The following PTPRT variants were observed in gnomAD, a reference collection of about 807,000 sequenced individuals.
PTPRT encodes receptor-type tyrosine-protein phosphatase T.
A neutral mutation model predicts 176.8 loss-of-function variants in PTPRT; 56 were observed. The observed-to-expected ratio is 0.32, with a 90% CI of 0.26 to 0.40. PTPRT has a LOEUF of 0.40. Among genes scored for constraint, PTPRT ranks in the 10% least tolerant of loss-of-function variants. The probability of loss-of-function intolerance (pLI) is 1.00; values close to 1 mark genes in which losing one functional copy is unlikely to be tolerated. For missense variants in PTPRT, 1,540 were observed against 1,908.2 expected, an observed-to-expected ratio of 0.81 and a Z score of 3.60; for synonymous variants, 783 against 739.0, an observed-to-expected ratio of 1.06 and a Z score of -0.96.
At chr20:42,955,798 A>G (rs1011652963) in intron 1 of PTPRT, among the ~76,000 whole-genome samples, 4 of 142,752 alleles carry the variant, frequency 2.8e-5, no homozygotes, top group African/African-American at 1.0e-4. Flanking sequence ...CAAGGCAGAA[A>G]AAGTGAGGGA....
chr20:42,782,814 A>G (rs1022855163), intron 3 of PTPRT, among the ~76,000 whole-genome samples: 1 of 152,264 alleles, frequency 6.6e-6, no homozygotes. Flanking sequence ...ACTGAAAAGA[A>G]CAATGAAAAA....
At chr20:43,133,747 CA>C (rs11366438) in intron 1 of PTPRT, among the ~76,000 whole-genome samples, 98,043 of 124,778 alleles carry the variant, frequency 0.79, 37,957 homozygotes, top group East Asian at 0.84. Context: ...GACTCTGTCT[CA>C]AAAAAAAAAA....
chr20:42,393,141 G>A (rs1478825778), intron 9 of PTPRT, among the ~76,000 whole-genome samples: 1 of 152,092 alleles, frequency 6.6e-6, no homozygotes. Context: ...GAATAGGAAG[G>A]GCACCTCTGG....
intron 17 of PTPRT, among the ~76,000 whole-genome samples, chr20:42,159,058 T>A (rs892468565): frequency 6.6e-6 from 1 of 151,768 alleles, no homozygotes. Context: ...AAATTTCAGA[T>A]TGCAAGTTCT....
the PTPRT span, among the ~76,000 whole-genome samples, chr20:42,042,201 C>T: frequency 6.6e-6 from 1 of 152,186 alleles, no homozygotes; most frequent in South Asian, 2.1e-4. Context: ...GGGAGAATGG[C>T]TCACTGCCCT....
In PTPRT at chr20:42,085,737, G is replaced by A; in HGVS notation, c.3963C>T (p.Asn1321=). The change falls in exon 28 of 31, where the codon AAC becomes AAT. Residue 1321 remains asparagine, a synonymous_variant. Coordinates refer to ENST00000373187, the MANE Select transcript of PTPRT (RefSeq NM_007050.6). ...GCGGCCGTGTACTTACCCGGGCCAT[G>A]TTACAGATGCGGAATATTCTGTGGA... ...DIIHRIFRIC[N]MARPQDGYRI... The A allele has an allele frequency of 1.2e-6, 2 of 1,613,988 alleles. No homozygotes were observed. Among genetic ancestry groups the A allele is most frequent in the Non-Finnish European group, 1.7e-6 (2 of 1,180,010 alleles).
intron 9 of PTPRT, among the ~76,000 whole-genome samples, chr20:42,377,126 C>T (rs1398645678): frequency 1.3e-5 from 2 of 152,182 alleles, no homozygotes; most frequent in Non-Finnish European, 2.9e-5. Flanking sequence ...CTGTTTCCTT[C>T]TCAGCAAAGC....
At chr20:42,859,095 G>T (rs1020990179) in intron 2 of PTPRT, among the ~76,000 whole-genome samples, 1 of 152,164 alleles carries the variant, frequency 6.6e-6, no homozygotes, top group African/African-American at 2.4e-5. Flanking sequence ...GCGTTCAAGT[G>T]GCTGGGGGTG....
intron 13 of PTPRT, among the ~76,000 whole-genome samples, chr20:42,260,376 C>G (rs2056728082): frequency 6.6e-6 from 1 of 152,172 alleles, no homozygotes; most frequent in South Asian, 2.1e-4. Context: ...GCCTGGAGCT[C>G]AGGAGGCTCA....
intron 7 of PTPRT, among the ~76,000 whole-genome samples, chr20:42,573,749 C>CTTTTTTTT (rs150938657): frequency 1.2e-4 from 14 of 112,584 alleles, no homozygotes; most frequent in African/African-American, 4.5e-4. Flanking sequence ...TTCTTTCTTT[C>CTTTTTTTT]TTTTTTTTTT....
intron 7 of PTPRT, among the ~76,000 whole-genome samples, chr20:42,485,530 T>C (rs1016133771): frequency 1.3e-5 from 2 of 152,252 alleles, no homozygotes; most frequent in Non-Finnish European, 2.9e-5. Context: ...TTCTAGACTA[T>C]GTAAAAACAA....
rs370533271 is a variant in PTPRT, at chr20:42,652,080, C to CA, written c.1153+25785dup. Reference sequence around the variant, plus strand: ...CAAAAACAAAAACAAACAAAAAAAACAAAAAAAAAAAGGAAGATGGATGAT... The same window carrying CA: ...CAAAAACAAAAACAAACAAAAAAAACAAAAAAAAAAAAGGAAGATGGATGAT... On this transcript the variant is annotated intron_variant, in intron 7 of 30. Coordinates refer to ENST00000373187, the MANE Select transcript of PTPRT (RefSeq NM_007050.6). 2.2e-3 allele frequency among the ~76,000 whole-genome samples: 298 copies of CA among 135,304 alleles called. 2 individuals carry two copies. The highest frequency in any genetic ancestry group is 5.1e-3 in the African/African-American group (194 of 37,894). 88.8% of individuals were successfully genotyped at this position (135,304 alleles called of 152,430 possible).
At chr20:42,361,179 C>T (rs1401700576) in intron 9 of PTPRT, among the ~76,000 whole-genome samples, 2 of 152,158 alleles carry the variant, frequency 1.3e-5, no homozygotes. Flanking sequence ...CCACCCCACT[C>T]AGGAGGGACT....
chr20:42,882,191 A>T (rs6030541), intron 2 of PTPRT, among the ~76,000 whole-genome samples: 10,043 of 152,292 alleles, frequency 0.066, 927 homozygotes, highest in African/African-American at 0.21. Context: ...ATTTCAGCCT[A>T]TGCCCATAAG....
intron 7 of PTPRT, among the ~76,000 whole-genome samples, chr20:42,523,314 C>T (rs1168359347): frequency 6.6e-6 from 1 of 152,144 alleles, no homozygotes. Flanking sequence ...ATAATTTGAT[C>T]GTCTTTCCTT....
intron 6 of PTPRT, among the ~76,000 whole-genome samples, chr20:42,725,824 C>A (rs140237962): frequency 9.2e-5 from 14 of 151,948 alleles, no homozygotes; most frequent in African/African-American, 3.1e-4. Context: ...TGGGTATATA[C>A]CCAAATTAAT....
In PTPRT at chr20:42,578,329, T is replaced by A. The variant is rs114836221; in HGVS notation, c.1153+99537A>T. On this transcript the variant is annotated intron_variant, in intron 7 of 30. Transcript: ENST00000373187. ...TAAATGGAGAAAATTATCTCCATGT[T>A]AAGAGTATAAAAGCTGAGGCTCAGA... Among the ~76,000 whole-genome samples, 383 of 152,246 alleles carry A rather than the reference T, an allele frequency of 2.5e-3. 3 individuals carry two copies. The highest frequency in any genetic ancestry group is 8.8e-3 in the African/African-American group (366 of 41,554).
chr20:42,153,842 T>C (rs1989236958), intron 17 of PTPRT, among the ~76,000 whole-genome samples: 1 of 152,182 alleles, frequency 6.6e-6, no homozygotes, highest in African/African-American at 2.4e-5. Flanking sequence ...ATAACCTTGG[T>C]AACTCTTCCA....
rs1276065901 is a variant in PTPRT, at chr20:43,016,628, CT to C, written c.89-130697del. ...TATCTCGGCTCACTGCAACCTCCCC[CT>C]CTTGGCTTCAAGTAATCCTCCTGCC... On this transcript the variant is annotated intron_variant, in intron 1 of 30. Transcript: ENST00000373187. 4.0e-5 allele frequency among the ~76,000 whole-genome samples: 6 copies of C among 148,278 alleles called. No individual in the cohort carries two copies. In the East Asian group the frequency reaches 9.8e-4, roughly 24 times the overall value.
Sources: allele counts gnomAD v4.1 joint callset (sites outside exome capture counted in the v4.1 genomes callset), GRCh38; gene constraint gnomAD v4.1.1; transcripts MANE v1.5; gene names NCBI Gene and HGNC (gene_info 2026-07-23, HGNC 2026-07-21).